Variants in ARVCF observed in about 807,000 individuals in gnomAD.
The protein encoded by ARVCF is ARVCF delta catenin family member.
Under a neutral mutation model 90.9 loss-of-function variants are expected in ARVCF, and 66 were observed. The ratio of observed to expected loss-of-function variants is 0.73; its 90% CI spans 0.60 to 0.89. The LOEUF (loss-of-function observed/expected upper bound fraction) is 0.89. Ranked by LOEUF, ARVCF falls within the 40% of genes least tolerant of loss-of-function variation. The pLI, the probability that ARVCF is intolerant of heterozygous loss-of-function variation, is 0.00. For synonymous variants in ARVCF, 653 were observed against 603.4 expected (o/e 1.08, Z -1.21); for missense variants, 1,469 against 1,382.3 (o/e 1.06, Z -1.00).
In ARVCF at chr22:19,973,812, G is replaced by T. The variant is rs200701884; in HGVS notation, c.2089-19C>A. On this transcript the variant is annotated intron_variant, in intron 12 of 19. Transcript: ENST00000263207. ...TGGCCCACTGCGGAGGCGGGGAGAG[G>T]GTTGCTCAGACATACATGCCAGGCA... The T allele has an allele frequency of 6.3e-7, 1 of 1,594,942 alleles. No individual in the cohort carries two copies. The highest frequency in any genetic ancestry group is 8.5e-7 in the Non-Finnish European group (1 of 1,173,528).
At chr22:19,969,574 C>T (rs1274570238), downstream of ARVCF, 1 of 152,844 alleles carries the variant, frequency 6.5e-6, no homozygotes, top group Non-Finnish European at 1.5e-5. Flanking sequence ...CTCCAAGGGC[C>T]CAGTTCCCAG....
chr22:19,974,493 G>A lies in ARVCF; in HGVS notation c.1961-254C>T, dbSNP rs145699486. Among the ~76,000 whole-genome samples, 421 of 152,260 alleles carry A rather than the reference G, an allele frequency of 2.8e-3. 2 individuals carry two copies. The highest frequency in any genetic ancestry group is 9.8e-3 in the African/African-American group (408 of 41,538). On this transcript the variant is annotated intron_variant, in intron 11 of 19. Coordinates refer to ENST00000263207, the MANE Select transcript of ARVCF (RefSeq NM_001670.3). Reference sequence around the variant, plus strand: ...AGCAGGAGCATCCAGGAGGCCTGGGGTGGGGAGGGAGGTGTCAACCAGGAA... The same window carrying A: ...AGCAGGAGCATCCAGGAGGCCTGGGATGGGGAGGGAGGTGTCAACCAGGAA...
intron 2 of ARVCF, among the ~76,000 whole-genome samples, chr22:20,004,413 A>C (rs949919012): frequency 3.3e-5 from 5 of 151,866 alleles, no homozygotes; most frequent in African/African-American, 1.2e-4. Context: ...GCTTGAACCC[A>C]GGGGTTCAAG....
chr22:19,980,965 G>A (rs551081851), intron 5 of ARVCF: 162 of 503,004 alleles, frequency 3.2e-4, no homozygotes, highest in African/African-American at 3.0e-3. Context: ...TGTGGCTGGA[G>A]CAAGGCCAGT....
At chr22:19,965,674 A>C (rs1483040986), downstream of ARVCF, 2 of 152,210 alleles carry the variant, frequency 1.3e-5, no homozygotes, top group Non-Finnish European at 2.9e-5. Flanking sequence ...AAAACAACAA[A>C]AACTTTTCTG....
downstream of ARVCF, chr22:19,966,926 G>C (rs9332374): frequency 2.0e-6 from 2 of 984,648 alleles, no homozygotes; most frequent in African/African-American, 3.5e-5. Context: ...TGACACTGTC[G>C]CTTCTCCACG....
rs1445556643 is a variant in ARVCF, at chr22:19,970,261, C to A, written c.*495G>T. On this transcript the variant is annotated 3_prime_UTR_variant, in exon 20 of 20. Coordinates refer to ENST00000263207, the MANE Select transcript of ARVCF (RefSeq NM_001670.3). Reference sequence around the variant, plus strand: ...GCTGGGCCTTGTGGGGCACCCCCCACACCGTGGTCTGCCTGCCTGCAGGGT... The same window carrying A: ...GCTGGGCCTTGTGGGGCACCCCCCAAACCGTGGTCTGCCTGCCTGCAGGGT... 4 of 993,158 alleles carry A rather than the reference C, an allele frequency of 4.0e-6. No individual in the cohort carries two copies. Among genetic ancestry groups the A allele is most frequent in the Non-Finnish European group, 4.8e-6 (4 of 834,232 alleles). The allele number at this position is 993,158 out of a possible 1,614,324, so 61.5% of individuals were successfully genotyped here.
chr22:20,005,750 C>T (rs546213135), intron 2 of ARVCF, among the ~76,000 whole-genome samples: 1 of 150,452 alleles, frequency 6.6e-6, no homozygotes, highest in African/African-American at 2.5e-5. Flanking sequence ...GAGCCAAGAT[C>T]GTGCCACTGC....
intron 1 of ARVCF, among the ~76,000 whole-genome samples, chr22:20,015,659 C>T (rs1046369127): frequency 6.6e-6 from 1 of 152,100 alleles, no homozygotes; most frequent in African/African-American, 2.4e-5. Context: ...ACTGCACCCC[C>T]CTGGCCCATA....
chr22:19,971,465 C>A lies in ARVCF; in HGVS notation c.2782-130G>T, dbSNP rs183612136. On this transcript the variant is annotated intron_variant, in intron 18 of 19. Coordinates refer to ENST00000263207, the MANE Select transcript of ARVCF (RefSeq NM_001670.3). ...CCTGCCAGGACAGCACAGGTAGCAC[C>A]AAGGGCGCAGGGAGCCGGAAACGTG... 2,012 of 1,180,456 alleles carry A rather than the reference C, an allele frequency of 1.7e-3. 44 individuals are homozygous for A. The Admixed American group carries it at 0.05, about 29-fold the overall frequency. 73.1% of individuals were successfully genotyped at this position (1,180,456 alleles called of 1,614,324 possible).
In ARVCF at chr22:19,975,758, C is replaced by G. The variant is rs1427448699; in HGVS notation, c.1889-1G>C. ...CGGTCCATCTCACCATCCTTCTTTC[C>G]TGGAAGGGAAAGGTGGTGGGAGGTG... On this transcript the variant is annotated splice_acceptor_variant, in intron 10 of 19. Coordinates refer to ENST00000263207, the MANE Select transcript of ARVCF (RefSeq NM_001670.3). LOFTEE classifies it high-confidence loss of function. The G allele has an allele frequency of 1.2e-6, 2 of 1,613,500 alleles. No homozygotes were observed. The highest frequency in any genetic ancestry group is 1.7e-6 in the Non-Finnish European group (2 of 1,179,944).
At chr22:19,972,548 C>T in intron 16 of ARVCF, 137 bp from the exon 17 acceptor site, 1 of 1,238,400 alleles carries the variant, frequency 8.1e-7, no homozygotes, top group Non-Finnish European at 1.1e-6. Flanking sequence ...AGCTGGCAGC[C>T]TCACCCCAGC....
At chr22:19,999,460 C>G (rs546229700) in intron 2 of ARVCF, among the ~76,000 whole-genome samples, 1 of 152,334 alleles carries the variant, frequency 6.6e-6, no homozygotes, top group South Asian at 2.1e-4. Flanking sequence ...TCAGCAAGCA[C>G]TTGCTGCACC....
intron 2 of ARVCF, among the ~76,000 whole-genome samples, chr22:20,007,363 C>CT (rs1463890490): frequency 6.6e-6 from 1 of 152,260 alleles, no homozygotes; most frequent in African/African-American, 2.4e-5. Flanking sequence ...GAATGCGCCA[C>CT]TGCACCCCAG....
chr22:19,991,290 A>G (rs1283701227), intron 2 of ARVCF, among the ~76,000 whole-genome samples: 3 of 152,224 alleles, frequency 2.0e-5, no homozygotes, highest in Non-Finnish European at 2.9e-5. Context: ...TGTGGCCAGC[A>G]AGCAGGGAGT....
downstream of ARVCF, chr22:19,969,714 C>T (rs1420605796): frequency 2.0e-6 from 1 of 497,944 alleles, no homozygotes; most frequent in South Asian, 8.6e-5. Context: ...GATAGACAGA[C>T]CAGTGAGCCC....
chr22:19,974,905 C>T (rs1260248180), intron 11 of ARVCF, among the ~76,000 whole-genome samples: 6 of 152,204 alleles, frequency 3.9e-5, no homozygotes, highest in Non-Finnish European at 7.3e-5. Flanking sequence ...AATGAGGGGT[C>T]AAAACAGCCT....
At chr22:19,993,803 G>T (rs952906355) in intron 2 of ARVCF, among the ~76,000 whole-genome samples, 2 of 152,234 alleles carry the variant, frequency 1.3e-5, no homozygotes, top group Admixed American at 6.5e-5. Flanking sequence ...GGAACTGAAG[G>T]GGGGCTGGAA....
intron 16 of ARVCF, 137 bp downstream of exon 16, chr22:19,972,600 G>A (rs1942879601): frequency 4.3e-6 from 5 of 1,156,194 alleles, no homozygotes; most frequent in South Asian, 1.5e-5. Flanking sequence ...GTAGCCAAGA[G>A]GCAGAGGGCA....
Sources: allele counts gnomAD v4.1 joint callset (sites outside exome capture counted in the v4.1 genomes callset), GRCh38; gene constraint gnomAD v4.1.1; transcripts MANE v1.5; gene names NCBI Gene and HGNC (gene_info 2026-07-23, HGNC 2026-07-21).